GRM8: variants seen among roughly 807,000 people sequenced by gnomAD.
The protein encoded by GRM8 is glutamate metabotropic receptor 8.
A neutral mutation model predicts 87.2 loss-of-function variants in GRM8; 47 were observed. The ratio of observed to expected loss-of-function variants is 0.54; its 90% CI spans 0.43 to 0.69. GRM8 has a LOEUF of 0.69. Among genes scored for constraint, GRM8 ranks in the 30% least tolerant of loss-of-function variants. GRM8 has a pLI of 0.00. For synonymous variants in GRM8, 396 were observed against 404.5 expected, an observed-to-expected ratio of 0.98 and a Z score of 0.25; for missense variants, 1,019 against 1,139.2, an observed-to-expected ratio of 0.89 and a Z score of 1.52.
intron 8 of GRM8, among the ~76,000 whole-genome samples, chr7:126,537,040 A>T (rs1265336924): frequency 6.6e-6 from 1 of 152,218 alleles, no homozygotes; most frequent in Non-Finnish European, 1.5e-5. Context: ...ATAACTATTT[A>T]TCATTATAAG....
chr7:126,662,465 G>C (rs1013420494), intron 7 of GRM8, among the ~76,000 whole-genome samples: 1 of 152,130 alleles, frequency 6.6e-6, no homozygotes, highest in Non-Finnish European at 1.5e-5. Context: ...ATGGAAGAAG[G>C]CTCAAGAGGT....
chr7:126,953,626 A>T (rs2131621739), intron 3 of GRM8, among the ~76,000 whole-genome samples: 1 of 152,080 alleles, frequency 6.6e-6, no homozygotes. Context: ...CCTCCACCTC[A>T]TTCTCTCCTG....
At chr7:127,037,917 A>C (rs1467690038) in intron 3 of GRM8, among the ~76,000 whole-genome samples, 1 of 151,892 alleles carries the variant, frequency 6.6e-6, no homozygotes, top group African/African-American at 2.4e-5. Flanking sequence ...GGATGCTTTT[A>C]ATATGTACCT....
chr7:126,935,119 G>A (rs1806175597), intron 3 of GRM8, among the ~76,000 whole-genome samples: 1 of 152,116 alleles, frequency 6.6e-6, no homozygotes, highest in Non-Finnish European at 1.5e-5. Context: ...TTCATTCTCT[G>A]TCACCTCTCT....
At chr7:126,442,455 G>C (rs1801576558) in intron 10 of GRM8, among the ~76,000 whole-genome samples, 1 of 151,928 alleles carries the variant, frequency 6.6e-6, no homozygotes, top group African/African-American at 2.4e-5. Flanking sequence ...CACAGACAAG[G>C]TGGAGAAAAA....
At chr7:127,031,774 T>A (rs1362696117) in intron 3 of GRM8, among the ~76,000 whole-genome samples, 1 of 152,168 alleles carries the variant, frequency 6.6e-6, no homozygotes, top group African/African-American at 2.4e-5. Flanking sequence ...AAAATCTTTG[T>A]ACCTTTGTTG....
At chr7:126,526,380 C>G (rs577242204) in intron 9 of GRM8, among the ~76,000 whole-genome samples, 165 of 152,240 alleles carry the variant, frequency 1.1e-3, no homozygotes, top group African/African-American at 3.9e-3. Context: ...ATTTTTCAAT[C>G]ATATTCAGAA....
intron 7 of GRM8, among the ~76,000 whole-genome samples, chr7:126,638,649 A>G (rs570750066): frequency 6.6e-6 from 1 of 152,200 alleles, no homozygotes; most frequent in African/African-American, 2.4e-5. Context: ...GCAGGATAAA[A>G]AGCAATTGTC....
At chr7:126,490,460 C>G (rs1310358651) in intron 9 of GRM8, among the ~76,000 whole-genome samples, 1 of 151,514 alleles carries the variant, frequency 6.6e-6, no homozygotes, top group Admixed American at 6.6e-5. Flanking sequence ...AGCATCTTGA[C>G]AAAAAAGGGT....
At chr7:126,694,131 T>A (rs1028074459) in intron 7 of GRM8, among the ~76,000 whole-genome samples, 2 of 151,402 alleles carry the variant, frequency 1.3e-5, no homozygotes, top group African/African-American at 2.4e-5. Context: ...GTTATATTTA[T>A]TAACTAAATA....
chr7:126,442,270 T>C (rs1642568123), intron 10 of GRM8, among the ~76,000 whole-genome samples: 1 of 152,064 alleles, frequency 6.6e-6, no homozygotes. Flanking sequence ...TTCCAAAAGG[T>C]AAAATATTTG....
At chr7:126,692,476 TG>T (rs1808934392) in intron 7 of GRM8, among the ~76,000 whole-genome samples, 1 of 152,152 alleles carries the variant, frequency 6.6e-6, no homozygotes, top group African/African-American at 2.4e-5. Context: ...TTAGATGATG[TG>T]TGTTAAAAAT....
chr7:127,154,116 G>GTGC (rs1165883987), intron 2 of GRM8, among the ~76,000 whole-genome samples: 1 of 152,106 alleles, frequency 6.6e-6, no homozygotes, highest in Non-Finnish European at 1.5e-5. Context: ...TAAGAAAACT[G>GTGC]TGCTTGTCAA....
intron 6 of GRM8, among the ~76,000 whole-genome samples, chr7:126,899,643 A>G (rs555809936): frequency 5.7e-4 from 87 of 152,092 alleles, no homozygotes; most frequent in Admixed American, 1.2e-3. Context: ...ACCAAATCAC[A>G]TGATTTAAAG....
intron 8 of GRM8, among the ~76,000 whole-genome samples, chr7:126,579,452 T>C (rs1026110487): frequency 9.9e-5 from 15 of 152,200 alleles, no homozygotes; most frequent in African/African-American, 3.6e-4. Context: ...GATTCACATA[T>C]GAGGAAAGAT....
chr7:126,658,437 G>T (rs1175218514), intron 7 of GRM8, among the ~76,000 whole-genome samples: 1 of 152,148 alleles, frequency 6.6e-6, no homozygotes, highest in Non-Finnish European at 1.5e-5. Flanking sequence ...TGGATGAGCA[G>T]AGAATAGGAT....
chr7:126,864,221 A>T (rs1009851833), intron 6 of GRM8, among the ~76,000 whole-genome samples: 1 of 151,930 alleles, frequency 6.6e-6, no homozygotes, highest in Non-Finnish European at 1.5e-5. Context: ...TCCATTTCAC[A>T]GTTTCACTGT....
At chr7:127,127,365 C>T (rs990348901) in intron 2 of GRM8, among the ~76,000 whole-genome samples, 1 of 151,942 alleles carries the variant, frequency 6.6e-6, no homozygotes, top group Non-Finnish European at 1.5e-5. Flanking sequence ...TTCACAGTAG[C>T]CCAAAATTGA....
intron 3 of GRM8, among the ~76,000 whole-genome samples, chr7:127,059,331 C>CTTTTTTTTTTTTTTTTTTTTTT (rs10618329): frequency 2.3e-5 from 3 of 130,594 alleles, no homozygotes; most frequent in African/African-American, 2.8e-5. Flanking sequence ...TTTTTTTTTG[C>CTTTTTTTTTTTTTTTTTTTTTT]TTTTTTTTTT....
Sources: gnomAD v4.1 joint callset for allele counts (sites outside exome capture counted in the v4.1 genomes callset) on GRCh38, gnomAD v4.1.1 for gene constraint, MANE v1.5 for transcripts, NCBI Gene and HGNC (gene_info 2026-07-23, HGNC 2026-07-21) for gene names.